CCDC63: variants seen among roughly 807,000 people sequenced by gnomAD.
CCDC63 encodes the protein coiled-coil domain-containing protein 63.
In CCDC63, 54 loss-of-function variants were observed where a neutral mutation model predicts 63.6. The observed-to-expected ratio is 0.85, with a 90% CI of 0.68 to 1.07. The LOEUF is 1.07. CCDC63 is among the 50% of genes least tolerant of loss of function. CCDC63 has a pLI of 0.00. For synonymous variants in CCDC63, 253 were observed against 266.1 expected (o/e 0.95, Z 0.48); for missense variants, 637 against 689.6 (o/e 0.92, Z 0.86).
chr12:110,865,851 C>A (rs529281398), intron 4 of CCDC63, among the ~76,000 whole-genome samples: 4 of 152,350 alleles, frequency 2.6e-5, no homozygotes, highest in Admixed American at 1.3e-4. Context: ...CTACTTTCCT[C>A]CCTGGAATAA....
intron 6 of CCDC63, 55 bp from the exon 7 acceptor site, chr12:110,881,060 G>T: frequency 2.0e-6 from 3 of 1,492,384 alleles, no homozygotes; most frequent in African/African-American, 1.4e-5. Context: ...GGCAGGGAAA[G>T]GGAAGTAGAG....
intron 8 of CCDC63, among the ~76,000 whole-genome samples, chr12:110,890,091 G>A (rs111697683): frequency 0.024 from 3,610 of 152,078 alleles, 134 homozygotes; most frequent in African/African-American, 0.081. Flanking sequence ...CCAGGAGTTT[G>A]AGACCAGCCT....
intron 8 of CCDC63, among the ~76,000 whole-genome samples, chr12:110,886,480 C>G (rs2071281385): frequency 6.6e-6 from 1 of 152,068 alleles, no homozygotes; most frequent in Non-Finnish European, 1.5e-5. Context: ...GGACTGTTTC[C>G]AGACATCTAA....
intron 4 of CCDC63, among the ~76,000 whole-genome samples, chr12:110,866,919 C>A (rs1295739922): frequency 6.7e-6 from 1 of 149,676 alleles, no homozygotes; most frequent in Non-Finnish European, 1.5e-5. Flanking sequence ...CCCTCACCTC[C>A]GGGACGGGGC....
intron 8 of CCDC63, among the ~76,000 whole-genome samples, chr12:110,886,622 G>C (rs1036825873): frequency 6.6e-6 from 1 of 152,088 alleles, no homozygotes; most frequent in East Asian, 1.9e-4. Flanking sequence ...GGGCCCAGGG[G>C]GTGGCAAATA....
chr12:110,853,337 A>G (rs2070730141), intron 2 of CCDC63, 68 bp from the exon 3 acceptor site: 2 of 1,501,364 alleles, frequency 1.3e-6, no homozygotes, highest in African/African-American at 1.4e-5. Flanking sequence ...TTCACTCTTA[A>G]GCCCATCTGT....
At chr12:110,849,099 C>T (rs2070674358) in intron 1 of CCDC63, among the ~76,000 whole-genome samples, 2 of 152,216 alleles carry the variant, frequency 1.3e-5, no homozygotes, top group African/African-American at 4.8e-5. Flanking sequence ...CCCAAACCCT[C>T]AAAAACATCA....
intron 4 of CCDC63, among the ~76,000 whole-genome samples, chr12:110,865,229 C>G (rs35748628): frequency 0.32 from 49,187 of 151,930 alleles, 8,458 homozygotes; most frequent in African/African-American, 0.45. Context: ...TCTGCCAGCT[C>G]TCTGGCTCTG....
At chr12:110,871,070 C>G (rs2071059168) in intron 4 of CCDC63, among the ~76,000 whole-genome samples, 1 of 152,142 alleles carries the variant, frequency 6.6e-6, no homozygotes, top group Non-Finnish European at 1.5e-5. Flanking sequence ...CTGTGAATAC[C>G]AAACTTCCAA....
chr12:110,878,879 C>T (rs116118175), intron 5 of CCDC63, among the ~76,000 whole-genome samples: 1 of 152,000 alleles, frequency 6.6e-6, no homozygotes, highest in African/African-American at 2.4e-5. Context: ...AATCACATCG[C>T]CTTTAAAAAA....
At chr12:110,904,158 T>C (rs1289996205) in intron 10 of CCDC63, among the ~76,000 whole-genome samples, 1 of 151,996 alleles carries the variant, frequency 6.6e-6, no homozygotes, top group African/African-American at 2.4e-5. Context: ...GAGTTCAAGA[T>C]CAGCCAGACA....
chr12:110,890,161 G>C (rs1317957613), intron 8 of CCDC63, among the ~76,000 whole-genome samples: 1 of 152,092 alleles, frequency 6.6e-6, no homozygotes, highest in Non-Finnish European at 1.5e-5. Context: ...GAAATTAGCT[G>C]GGTGTGATGG....
chr12:110,886,315 G>C (rs192960856), intron 8 of CCDC63, among the ~76,000 whole-genome samples: 2 of 152,156 alleles, frequency 1.3e-5, no homozygotes, highest in Non-Finnish European at 2.9e-5. Flanking sequence ...GAACCCGGGA[G>C]GTGGAGGTTG....
chr12:110,859,613 G>A (rs898258998), intron 4 of CCDC63, among the ~76,000 whole-genome samples: 1 of 151,724 alleles, frequency 6.6e-6, no homozygotes, highest in African/African-American at 2.4e-5. Context: ...GCTGAAACAC[G>A]TCACTTCTGC....
At position 110,868,285 on chromosome 12, in the gene CCDC63, C is replaced by T. The variant is rs372672186; in HGVS notation, c.370-5557C>T. Among the ~76,000 whole-genome samples, 39 of 126,026 alleles carry T rather than the reference C, an allele frequency of 3.1e-4. 1 individual carries two copies. The East Asian group carries it at 5.6e-3, about 18-fold the overall frequency. 82.7% of individuals were successfully genotyped at this position (126,026 alleles called of 152,430 possible). ...GCAGAGGGGCTCCTCACATCCCAGACGATGGGCAGCCAGGCAGAGACGCTC... is the reference window on the plus strand; with the variant it reads ...GCAGAGGGGCTCCTCACATCCCAGATGATGGGCAGCCAGGCAGAGACGCTC... On this transcript the variant is annotated intron_variant, in intron 4 of 11. Transcript: ENST00000308208.
At chr12:110,899,860 TC>T (rs2071465192) in intron 10 of CCDC63, among the ~76,000 whole-genome samples, 1 of 151,988 alleles carries the variant, frequency 6.6e-6, no homozygotes, top group Non-Finnish European at 1.5e-5. Flanking sequence ...AAGAAAACTC[TC>T]GGCAAACTAG....
At chr12:110,903,777 G>A (rs116489615) in intron 10 of CCDC63, among the ~76,000 whole-genome samples, 4 of 152,298 alleles carry the variant, frequency 2.6e-5, no homozygotes, top group Admixed American at 2.6e-4. Flanking sequence ...CCTCTAGGGG[G>A]TTATTCAGGA....
chr12:110,854,250 C>CTTTTCTTTTTT (rs2070740511), intron 3 of CCDC63, among the ~76,000 whole-genome samples: 1 of 72,276 alleles, frequency 1.4e-5, no homozygotes, highest in Non-Finnish European at 3.0e-5. Context: ...ACAATCATTT[C>CTTTTCTTTTTT]TTTTCTTTTT....
intron 4 of CCDC63, among the ~76,000 whole-genome samples, chr12:110,869,960 T>G (rs1202243198): frequency 6.6e-6 from 1 of 152,230 alleles, no homozygotes; most frequent in South Asian, 2.1e-4. Context: ...ACAAAGATAA[T>G]ATAGTTCTCA....
Sources: gnomAD v4.1 joint callset for allele counts (sites outside exome capture counted in the v4.1 genomes callset) on GRCh38, gnomAD v4.1.1 for gene constraint, MANE v1.5 for transcripts, NCBI Gene and HGNC (gene_info 2026-07-23, HGNC 2026-07-21) for gene names.